ZNF518A: variants seen among roughly 807,000 people sequenced by gnomAD.
ZNF518A encodes zinc finger protein 518A, also known as zinc finger protein 518.
Under a neutral mutation model 102.7 loss-of-function variants are expected in ZNF518A, and 47 were observed. That is an observed-to-expected ratio of 0.46 (90% CI 0.36 to 0.58). The LOEUF (loss-of-function observed/expected upper bound fraction) is 0.58, where lower values mean the gene tolerates loss of function less well. ZNF518A is among the 20% of genes least tolerant of loss of function. ZNF518A has a pLI of 0.00. For missense variants in ZNF518A, 1,793 were observed against 1,699.8 expected (o/e 1.05, Z -0.96); for synonymous variants, 652 against 594.6 (o/e 1.10, Z -1.40).
upstream of ZNF518A, chr10:96,130,032 T>G (rs1240466907): frequency 2.6e-5 from 4 of 152,734 alleles, no homozygotes; most frequent in African/African-American, 4.8e-5. Flanking sequence ...GCGCTCCCGG[T>G]AGCGCTGCGA....
intron 3 of ZNF518A, among the ~76,000 whole-genome samples, chr10:96,134,007 G>C (rs782281098): frequency 2.0e-5 from 3 of 152,132 alleles, no homozygotes; most frequent in African/African-American, 7.2e-5. Flanking sequence ...AAGTAATTCT[G>C]AATGCTAAGA....
chr10:96,168,108 A>G (rs797028677), downstream of ZNF518A, among the ~76,000 whole-genome samples: 13 of 152,312 alleles, frequency 8.5e-5, no homozygotes, highest in African/African-American at 2.4e-4. Context: ...GAAGAACAAG[A>G]GTTACGAACA....
chr10:96,189,955 A>C (rs868967975), intron 1 of ZNF518A: 31 of 911,762 alleles, frequency 3.4e-5, no homozygotes, highest in South Asian at 2.3e-4. Context: ...CAAAGACCCC[A>C]AGGGAAACTG....
intron 1 of ZNF518A, among the ~76,000 whole-genome samples, chr10:96,170,008 T>G (rs1332710996): frequency 6.6e-6 from 1 of 152,222 alleles, no homozygotes; most frequent in Non-Finnish European, 1.5e-5. Context: ...TGTGTTTTTG[T>G]GACACATCAA....
rs1564801784 is a variant in ZNF518A at position 96,175,882 on chromosome 10, CCTTCCTTCCTTCCTTCCTT to C, written n.35+19837_35+19855del. On this transcript the variant is annotated intron_variant and non_coding_transcript_variant, in intron 1 of 2. Coordinates refer to the ZNF518A transcript ENST00000442635. ...CCCTCCCTGCCTCCCTCCCTCCCTTCCTTCCTTCCTTCCTTCCTTCCTTCCTTCCTTCCTTCCTTCCTTC... is the reference window on the plus strand; with the variant it reads ...CCCTCCCTGCCTCCCTCCCTCCCTTCCCTTCCTTCCTTCCTTCCTTCCTTC... Among the ~76,000 whole-genome samples, 342 of 102,912 alleles carry C rather than the reference CCTTCCTTCCTTCCTTCCTT, an allele frequency of 3.3e-3. 12 individuals are homozygous for C. The highest frequency in any genetic ancestry group is 0.012 in the African/African-American group (304 of 25,054). 67.5% of individuals were successfully genotyped at this position (102,912 alleles called of 152,430 possible). A position where few individuals can be genotyped will look rare whatever the true frequency, so the allele number is the denominator to read the frequency against.
At chr10:96,203,216 G>A (rs782749942) in intron 1 of ZNF518A, among the ~76,000 whole-genome samples, 22 of 152,034 alleles carry the variant, frequency 1.4e-4, no homozygotes, top group Non-Finnish European at 2.2e-4. Context: ...ACGGTAAAAG[G>A]TATAATAAAC....
At chr10:96,142,742 A>G (rs2081995888) in intron 3 of ZNF518A, among the ~76,000 whole-genome samples, 1 of 151,302 alleles carries the variant, frequency 6.6e-6, no homozygotes, top group African/African-American at 2.4e-5. Context: ...AATCTTCCTT[A>G]TCTTTGGCAT....
chr10:96,170,848 A>G (rs587718560), intron 1 of ZNF518A, among the ~76,000 whole-genome samples: 1 of 152,216 alleles, frequency 6.6e-6, no homozygotes, highest in African/African-American at 2.4e-5. Flanking sequence ...TATGCATTTT[A>G]ATTTAGAATA....
At chr10:96,190,821 G>A (rs1422432617) in intron 1 of ZNF518A, among the ~76,000 whole-genome samples, 4 of 152,168 alleles carry the variant, frequency 2.6e-5, no homozygotes, top group Non-Finnish European at 4.4e-5. Flanking sequence ...GATTCTCCAC[G>A]ATGGTATCTC....
Position 96,161,717 on chromosome 10 carries a change from A to G in ZNF518A, c.*943A>G, listed in dbSNP as rs1391513184. On this transcript the variant is annotated 3_prime_UTR_variant, in exon 6 of 6. Coordinates refer to ENST00000316045, the MANE Select transcript of ZNF518A (RefSeq NM_001330736.2). ...TCTTGAAAATTAAAATTGTTTACCA[A>G]AACAGTATTTTGAAGCAAGATCATA... 1.8e-5 allele frequency: 3 copies of G among 166,962 alleles called. No homozygotes were observed. In the East Asian group the frequency reaches 5.8e-4, roughly 32 times the overall value. 10.3% of individuals were successfully genotyped at this position (166,962 alleles called of 1,614,324 possible). A position where few individuals can be genotyped will look rare whatever the true frequency, so the allele number is the denominator to read the frequency against.
intron 1 of ZNF518A, among the ~76,000 whole-genome samples, chr10:96,132,032 A>ATGATAGGAGACT (rs1268396030): frequency 2.0e-5 from 3 of 151,000 alleles, no homozygotes; most frequent in Non-Finnish European, 4.4e-5. Flanking sequence ...TTTTCTTTAA[A>ATGATAGGAGACT]TGATAGGAGA....
chr10:96,159,610 C>G lies in ZNF518A; in HGVS notation c.3288C>G (p.Thr1096=), dbSNP rs782660113. 1.2e-6 allele frequency: 2 copies of G among 1,613,822 alleles called. No homozygotes were observed. Among genetic ancestry groups the G allele is most frequent in the East Asian group, 4.5e-5 (2 of 44,886 alleles). Residue 1096 remains threonine, a synonymous_variant, in exon 6 of 6, where the codon ACC becomes ACG. Transcript: ENST00000316045. Reference sequence around the variant, plus strand: ...TTTTTCCAAAACCACCTCTTTATACCTTCTTGCCTGATGGCAAACAAGCTG... The same window carrying G: ...TTTTTCCAAAACCACCTCTTTATACGTTCTTGCCTGATGGCAAACAAGCTG... ...NEIFPKPPLY[T]FLPDGKQAVF...
In ZNF518A at chr10:96,163,508, CATA is replaced by C. The variant is rs1228190453; in HGVS notation, c.*2737_*2739del. The C allele has an allele frequency of 1.2e-5, 2 of 167,138 alleles. No individual in the cohort carries two copies. The highest frequency in any genetic ancestry group is 3.8e-4 in the East Asian group (2 of 5,196). 10.4% of individuals were successfully genotyped at this position (167,138 alleles called of 1,614,324 possible). On this transcript the variant is annotated 3_prime_UTR_variant, in exon 6 of 6. Coordinates refer to ENST00000316045, the MANE Select transcript of ZNF518A (RefSeq NM_001330736.2). ...TACTATTTGGCAAGTACTTAAAAAA[CATA>C]ATTCAGTTTTCAAAGAATTTATCTT...
At chr10:96,166,098 C>G (rs1213775991), downstream of ZNF518A, among the ~76,000 whole-genome samples, 1 of 152,154 alleles carries the variant, frequency 6.6e-6, no homozygotes, top group East Asian at 1.9e-4. Flanking sequence ...GCTGTCTCAG[C>G]TCCTGGGGTA....
chr10:96,191,799 G>T, intron 1 of ZNF518A: 2 of 779,644 alleles, frequency 2.6e-6, no homozygotes, highest in Non-Finnish European at 2.1e-6. Flanking sequence ...AATAGAACAA[G>T]TCCACATGAG....
Position 96,160,136 on chromosome 10 carries a change from T to A in ZNF518A, c.3814T>A (p.Ser1272Thr). 6.2e-7 allele frequency: 1 copy of A among 1,610,134 alleles called. No individual in the cohort carries two copies. Among genetic ancestry groups the A allele is most frequent in the Non-Finnish European group, 8.5e-7 (1 of 1,178,650 alleles). Residue 1272 changes from serine (S) to threonine (T), a missense_variant, in exon 6 of 6, where the codon TCT becomes ACT. Physicochemically the swap from Ser to Thr is moderately conservative, Grantham distance 58. This residue lies in a region of ZNF518A where 1,741 missense variants were observed against 1,622.6 expected (regional missense o/e 1.07). Coordinates refer to ENST00000316045, the MANE Select transcript of ZNF518A (RefSeq NM_001330736.2). ...GSKDSETAFV[S>T]RNRNCKRKCR... ...TAAAGACTCTGAAACTGCCTTTGTA[T>A]CTAGAAACAGAAACTGTAAACGAAA... is the stretch of plus-strand genomic sequence containing the variant.
intron 2 of ZNF518A, chr10:96,203,890 G>A: frequency 2.0e-6 from 1 of 503,684 alleles, no homozygotes; most frequent in Non-Finnish European, 3.6e-6. Context: ...ACAACTCTGT[G>A]AAATAAACAT....
chr10:96,203,575 G>A (rs2083710765), exon 2 of ZNF518A: 1 of 152,752 alleles, frequency 6.5e-6, no homozygotes, highest in East Asian at 1.9e-4. Flanking sequence ...TATTTTTAGG[G>A]TGATGTTTGC....
chr10:96,189,747 A>G, intron 1 of ZNF518A: 1 of 741,816 alleles, frequency 1.3e-6, no homozygotes, highest in South Asian at 1.4e-5. Flanking sequence ...CATCAGCAGC[A>G]AGTTTTACTT....
Sources: gnomAD v4.1 joint callset for allele counts (sites outside exome capture counted in the v4.1 genomes callset) on GRCh38, gnomAD v4.1.1 for gene constraint, gnomAD v4.1.1 regional missense constraint, MANE v1.5 for transcripts, NCBI Gene and HGNC (gene_info 2026-07-23, HGNC 2026-07-21) for gene names.